The following SLC35F5 variants were observed in gnomAD, a reference collection of about 807,000 sequenced individuals.
The protein encoded by SLC35F5 is solute carrier family 35 member F5, also known as HCV NS5A-transactivated protein 3.
SLC35F5 carries 54 observed loss-of-function variants against 68.6 expected under a neutral mutation model. The observed-to-expected ratio is 0.79, with a 90% confidence interval of 0.63 to 0.99. The LOEUF (loss-of-function observed/expected upper bound fraction) is 0.99, where lower values mean the gene tolerates loss of function less well. Among genes scored for constraint, SLC35F5 ranks in the 50% least tolerant of loss-of-function variants. SLC35F5 has a pLI of 0.00. For synonymous variants in SLC35F5, 211 were observed against 205.2 expected (o/e 1.03, Z -0.24); for missense variants, 567 against 626.9 (o/e 0.90, Z 1.02).
chr2:113,735,821 GA>G lies in SLC35F5; in HGVS notation c.787del (p.Ser263GlnfsTer7). The stretch of plus-strand genomic sequence containing the variant: ...ATTAACTATAGCAACTTGTGTGTCT[GA>G]AAGTGCTTCTTGATATGACAAATTT... ...LANLSYQEAL[S>X]DTQVAIVNIL... On this transcript the variant is annotated frameshift_variant, in exon 8 of 16. Transcript: ENST00000245680. LOFTEE classifies it high-confidence loss of function. 1 of 1,609,642 alleles carries G rather than the reference GA, an allele frequency of 6.2e-7. No homozygotes were observed. Among genetic ancestry groups the G allele is most frequent in the Non-Finnish European group, 8.5e-7 (1 of 1,178,370 alleles).
Position 113,713,908 on chromosome 2 carries a change from G to A in SLC35F5, c.*1310C>T, listed in dbSNP as rs1687083660. 6.6e-6 allele frequency: 1 copy of A among 152,096 alleles called. No individual in the cohort carries two copies. Among genetic ancestry groups the A allele is most frequent in the African/African-American group, 2.4e-5 (1 of 41,438 alleles). 9.4% of individuals were successfully genotyped at this position (152,096 alleles called of 1,614,324 possible). ...GTAACACCAAAGCAATTTTAAGAATGTGAATAGGAAGCTAAACACTGCAAA... is the reference window on the plus strand; with the variant it reads ...GTAACACCAAAGCAATTTTAAGAATATGAATAGGAAGCTAAACACTGCAAA... On this transcript the variant is annotated 3_prime_UTR_variant, in exon 16 of 16. Transcript: ENST00000245680.
intron 10 of SLC35F5, 77 bp from the exon 11 acceptor site, chr2:113,729,582 G>C: frequency 1.3e-6 from 1 of 751,272 alleles, no homozygotes. Flanking sequence ...TAATGTGTCA[G>C]ATAATATTGC....
chr2:113,710,769 C>CA lies in SLC35F5; in HGVS notation c.*4448dup, dbSNP rs372557303. ...TGGGTGACAGAGTGAGACCCCATCT[C>CA]AAAAAAAAAAAAAGAATTTCATCTC... On this transcript the variant is annotated 3_prime_UTR_variant, in exon 16 of 16. Coordinates refer to ENST00000245680, the MANE Select transcript of SLC35F5 (RefSeq NM_025181.5). Among the ~76,000 whole-genome samples, 617 of 133,588 alleles carry CA rather than the reference C, an allele frequency of 4.6e-3. 4 individuals carry two copies. The highest frequency in any genetic ancestry group is 0.018 in the South Asian group (75 of 4,176). 87.6% of individuals were successfully genotyped at this position (133,588 alleles called of 152,430 possible).
chr2:113,705,291 CG>C (rs1324509127), downstream of SLC35F5: 1 of 152,352 alleles, frequency 6.6e-6, no homozygotes, highest in African/African-American at 2.4e-5. Flanking sequence ...CGGTGGCTCA[CG>C]CCTATAATCC....
At chr2:113,731,710 T>C (rs1687903005) in intron 9 of SLC35F5, 62 bp from the exon 10 acceptor site, 3 of 1,328,586 alleles carry the variant, frequency 2.3e-6, no homozygotes, top group East Asian at 4.6e-5. Context: ...ATCATGAAGA[T>C]AAAAATTATT....
chr2:113,754,194 G>A (rs563377428), intron 3 of SLC35F5, among the ~76,000 whole-genome samples: 1 of 151,732 alleles, frequency 6.6e-6, no homozygotes, highest in African/African-American at 2.4e-5. Flanking sequence ...GGGGGCCGGG[G>A]CAGGAGAATC....
chr2:113,719,406 A>G, intron 13 of SLC35F5, 98 bp from the exon 14 acceptor site: 1 of 1,075,384 alleles, frequency 9.3e-7, no homozygotes, highest in Non-Finnish European at 1.3e-6. Context: ...ACTAGCAGGA[A>G]TAAGAACAAT....
chr2:113,735,832 TTGATATGACAAATTTGC>T lies in SLC35F5; in HGVS notation c.760_776del (p.Ala254ArgfsTer12), dbSNP rs1196210683. On this transcript the variant is annotated frameshift_variant, in exon 8 of 16. Transcript: ENST00000245680. LOFTEE classifies it high-confidence loss of function. ...CAACTTGTGTGTCTGAAAGTGCTTC[TTGATATGACAAATTTGC>T]CAAAAACCACTAAAGAAAAAGAAAA... The T allele has an allele frequency of 1.2e-6, 2 of 1,609,512 alleles. No homozygotes were observed. The highest frequency in any genetic ancestry group is 2.2e-5 in the East Asian group (1 of 44,698).
In SLC35F5 at chr2:113,730,082, T is replaced by A. The variant is rs188604574; in HGVS notation, c.986-577A>T. Among the ~76,000 whole-genome samples the A allele has an allele frequency of 9.2e-5, 14 of 152,326 alleles. No homozygotes were observed. In the East Asian group the frequency reaches 2.5e-3, roughly 27 times the overall value. On this transcript the variant is annotated intron_variant, in intron 10 of 15. Transcript: ENST00000245680. Reference sequence around the variant, plus strand: ...TTAGACAATACTTACTATTGTCAAGTGTGGTATTAGTTTAATCCCTAGTAG... The same window carrying A: ...TTAGACAATACTTACTATTGTCAAGAGTGGTATTAGTTTAATCCCTAGTAG...
At chr2:113,750,156 C>T (rs1342328961) in intron 4 of SLC35F5, among the ~76,000 whole-genome samples, 1 of 152,138 alleles carries the variant, frequency 6.6e-6, no homozygotes, top group South Asian at 2.1e-4. Context: ...ATCTTCATTG[C>T]CACATTAATT....
chr2:113,749,816 A>G (rs1676662421), intron 4 of SLC35F5, among the ~76,000 whole-genome samples: 1 of 152,168 alleles, frequency 6.6e-6, no homozygotes, highest in Non-Finnish European at 1.5e-5. Flanking sequence ...CTAACATAAT[A>G]AAGAATTTTT....
At position 113,710,650 on chromosome 2, in the gene SLC35F5, C is replaced by G. The variant is rs531440777; in HGVS notation, c.*4568G>C. Among the ~76,000 whole-genome samples the G allele has an allele frequency of 6.6e-6, 1 of 152,206 alleles. No individual in the cohort carries two copies. Among genetic ancestry groups the G allele is most frequent in the South Asian group, 2.1e-4 (1 of 4,818 alleles). ...AACTAATCAGGAATGGGGGCACATG[C>G]CAGTAGTCCCAACTACTCAGGAGAC... On this transcript the variant is annotated 3_prime_UTR_variant, in exon 16 of 16. Transcript: ENST00000245680.
At chr2:113,705,661 GAAGTTAT>G (rs899480813), downstream of SLC35F5, 3 of 152,024 alleles carry the variant, frequency 2.0e-5, no homozygotes, top group African/African-American at 7.2e-5. Flanking sequence ...GATGAAGAAA[GAAGTTAT>G]AAGTAGTCAA....
intron 4 of SLC35F5, among the ~76,000 whole-genome samples, chr2:113,749,440 A>G (rs1379790348): frequency 6.6e-6 from 1 of 152,236 alleles, no homozygotes; most frequent in Non-Finnish European, 1.5e-5. Context: ...TCAAGGTTAC[A>G]GCAAACTGTG....
chr2:113,735,373 C>T (rs1574243660), intron 8 of SLC35F5, among the ~76,000 whole-genome samples: 1 of 152,122 alleles, frequency 6.6e-6, no homozygotes, highest in Non-Finnish European at 1.5e-5. Context: ...TCACACAAAC[C>T]TAAATGGTAT....
chr2:113,755,964 G>C, intron 1 of SLC35F5: 1 of 1,549,114 alleles, frequency 6.5e-7, no homozygotes, highest in South Asian at 1.2e-5. Flanking sequence ...CGGAGAGTAA[G>C]TGATTTGCTG....
At chr2:113,729,888 A>AT (rs1366845118) in intron 10 of SLC35F5, among the ~76,000 whole-genome samples, 1 of 151,970 alleles carries the variant, frequency 6.6e-6, no homozygotes, top group Non-Finnish European at 1.5e-5. Flanking sequence ...AACTTAACAA[A>AT]TTTTTTTTCC....
chr2:113,706,749 C>G lies in SLC35F5; in HGVS notation c.*8469G>C, dbSNP rs887257385. 4.6e-5 allele frequency among the ~76,000 whole-genome samples: 7 copies of G among 152,178 alleles called. No homozygotes were observed. The highest frequency in any genetic ancestry group is 7.4e-5 in the Non-Finnish European group (5 of 67,982). On this transcript the variant is annotated 3_prime_UTR_variant, in exon 16 of 16. Transcript: ENST00000245680. ...GTGAAAATGTTTTAATAAAAGGAAA[C>G]TAGAAATCAAATATTTGTATAAGGA...
rs531735883 is a variant in SLC35F5 at position 113,728,799 on chromosome 2, T to C, written c.1090+602A>G. ...TTGTCAATGTGTTCTTCTCCAGTCCTACAGATATCGCAAGTTCTTTCCTGA... is the reference window on the plus strand; with the variant it reads ...TTGTCAATGTGTTCTTCTCCAGTCCCACAGATATCGCAAGTTCTTTCCTGA... On this transcript the variant is annotated intron_variant, in intron 11 of 15. Coordinates refer to ENST00000245680, the MANE Select transcript of SLC35F5 (RefSeq NM_025181.5). Among the ~76,000 whole-genome samples the C allele has an allele frequency of 1.3e-5, 2 of 152,370 alleles. 1 individual carries two copies. Among genetic ancestry groups the C allele is most frequent in the South Asian group, 4.1e-4 (2 of 4,834 alleles).
Sources: gnomAD v4.1 joint callset for allele counts (sites outside exome capture counted in the v4.1 genomes callset) on GRCh38, gnomAD v4.1.1 for gene constraint, MANE v1.5 for transcripts, NCBI Gene and HGNC (gene_info 2026-07-23, HGNC 2026-07-21) for gene names.